TOM1L2: variants seen among roughly 807,000 people sequenced by gnomAD.
TOM1L2 encodes the protein TOM1-like protein 2.
Under a neutral mutation model 67.9 loss-of-function variants are expected in TOM1L2, and 31 were observed. The observed-to-expected ratio is 0.46, with a 90% confidence interval of 0.34 to 0.62. The LOEUF (loss-of-function observed/expected upper bound fraction) is 0.62, where lower values mean the gene tolerates loss of function less well. TOM1L2 is among the 20% of genes least tolerant of loss of function. The pLI is 0.01. For missense variants in TOM1L2, 606 were observed against 663.5 expected, an observed-to-expected ratio of 0.91 and a Z score of 0.95; for synonymous variants, 256 against 254.0, an observed-to-expected ratio of 1.01 and a Z score of -0.07.
intron 1 of TOM1L2, among the ~76,000 whole-genome samples, chr17:17,911,295 GCCTGC>G (rs59382992): frequency 0.024 from 3,677 of 152,186 alleles, 129 homozygotes; most frequent in African/African-American, 0.073. Flanking sequence ...CCGAGCTCAG[GCCTGC>G]CCTGCCCTGT....
In TOM1L2 at chr17:17,850,894, A is replaced by C; in HGVS notation, c.1337T>G (p.Leu446Arg). 6.2e-7 allele frequency: 1 copy of C among 1,614,060 alleles called. No individual in the cohort carries two copies. The highest frequency in any genetic ancestry group is 8.5e-7 in the Non-Finnish European group (1 of 1,179,988). ...DDIEVWLRTD[L>R]KGDDLEEGVT... ...TGAAATAGAAAAGTCGAGTCTCACCAGGTCGGTCCTGAGCCACACCTCAAT... is the reference window on the plus strand; with the variant it reads ...TGAAATAGAAAAGTCGAGTCTCACCCGGTCGGTCCTGAGCCACACCTCAAT... Residue 446 changes from leucine (L) to arginine (R), a missense_variant and splice_region_variant, in exon 13 of 15, where the codon CTG becomes CGG. Leu to Arg is a moderately radical substitution (Grantham distance 102). Coordinates refer to ENST00000379504, the MANE Select transcript of TOM1L2 (RefSeq NM_001082968.2).
At chr17:17,909,659 A>T (rs2039257803) in intron 1 of TOM1L2, among the ~76,000 whole-genome samples, 1 of 152,200 alleles carries the variant, frequency 6.6e-6, no homozygotes, top group Non-Finnish European at 1.5e-5. Flanking sequence ...GGGGAAAATG[A>T]AAGAGTTCTG....
At chr17:17,864,061 G>A (rs2036707864) in intron 10 of TOM1L2, among the ~76,000 whole-genome samples, 1 of 151,936 alleles carries the variant, frequency 6.6e-6, no homozygotes, top group African/African-American at 2.4e-5. Context: ...TAGAGATGAG[G>A]TTTTGCTATG....
intron 1 of TOM1L2, among the ~76,000 whole-genome samples, chr17:17,946,247 T>G (rs1199915328): frequency 6.7e-6 from 1 of 148,198 alleles, no homozygotes; most frequent in African/African-American, 2.5e-5. Flanking sequence ...CCTCTTGAAG[T>G]GTACAATTCA....
intron 4 of TOM1L2, 25 bp from the exon 5 acceptor site, chr17:17,884,793 G>A (rs778614085): frequency 3.1e-6 from 5 of 1,612,260 alleles, no homozygotes; most frequent in Non-Finnish European, 4.2e-6. Flanking sequence ...GGCCTGTTAG[G>A]AAGCATTTCT....
intron 1 of TOM1L2, among the ~76,000 whole-genome samples, chr17:17,941,189 C>T (rs1024329241): frequency 3.3e-5 from 5 of 152,144 alleles, no homozygotes; most frequent in Non-Finnish European, 7.4e-5. Flanking sequence ...GGGCTACTGG[C>T]CCCCTGAAGT....
intron 2 of TOM1L2, among the ~76,000 whole-genome samples, chr17:17,899,718 TCA>T (rs1297582676): frequency 6.6e-6 from 1 of 152,254 alleles, no homozygotes; most frequent in Non-Finnish European, 1.5e-5. Context: ...CGCTTTGCAA[TCA>T]CACATGGGTT....
intron 3 of TOM1L2, among the ~76,000 whole-genome samples, chr17:17,897,042 C>T (rs144761420): frequency 1.3e-5 from 2 of 152,330 alleles, no homozygotes; most frequent in East Asian, 3.9e-4. Flanking sequence ...AAAGGTCAAA[C>T]AGTGTCCATC....
chr17:17,911,667 A>T (rs939409919), intron 1 of TOM1L2, among the ~76,000 whole-genome samples: 3,234 of 146,140 alleles, frequency 0.022, 45 homozygotes, highest in Non-Finnish European at 0.036. Context: ...TAATTTTTTT[A>T]TTTTTTATTG....
intron 1 of TOM1L2, among the ~76,000 whole-genome samples, chr17:17,913,299 T>A (rs1032360798): frequency 6.9e-5 from 10 of 144,922 alleles, no homozygotes; most frequent in African/African-American, 2.5e-4. Flanking sequence ...TTTCAAAGCT[T>A]CATCCATGCT....
intron 1 of TOM1L2, among the ~76,000 whole-genome samples, chr17:17,925,451 G>C (rs564019089): frequency 5.9e-5 from 9 of 152,194 alleles, no homozygotes; most frequent in East Asian, 1.9e-4. Flanking sequence ...GTTACAAAAA[G>C]AAGGAAAGAG....
chr17:17,972,129 G>T, intron 1 of TOM1L2, 133 bp downstream of exon 1: 1 of 1,126,318 alleles, frequency 8.9e-7, no homozygotes, highest in Non-Finnish European at 1.2e-6. Context: ...CCCGCTCGTG[G>T]AGTGGCACCC....
rs564981096 is a variant in TOM1L2 at position 17,885,709 on chromosome 17, G to A, written c.367-941C>T. 4.6e-5 allele frequency among the ~76,000 whole-genome samples: 7 copies of A among 152,128 alleles called. No homozygotes were observed. In the South Asian group the frequency reaches 1.5e-3, roughly 32 times the overall value. On this transcript the variant is annotated intron_variant, in intron 4 of 14. Coordinates refer to ENST00000379504, the MANE Select transcript of TOM1L2 (RefSeq NM_001082968.2). ...AGAGGCCGAGGCGGACGGATCACGAGGTCAGGAGATCAAGACCATCCTGGC... is the reference window on the plus strand; with the variant it reads ...AGAGGCCGAGGCGGACGGATCACGAAGTCAGGAGATCAAGACCATCCTGGC...
chr17:17,963,105 G>A lies in TOM1L2; in HGVS notation c.52+9157C>T, dbSNP rs1304442537. 2.6e-5 allele frequency among the ~76,000 whole-genome samples: 4 copies of A among 151,724 alleles called. No homozygotes were observed. The East Asian group carries it at 7.7e-4, about 29-fold the overall frequency. ...ACATTTTGCTTTTACATACTCACTTGACCCCTGTAAGATGTGATGGTGCAA... is the reference window on the plus strand; with the variant it reads ...ACATTTTGCTTTTACATACTCACTTAACCCCTGTAAGATGTGATGGTGCAA... On this transcript the variant is annotated intron_variant, in intron 1 of 14. Coordinates refer to ENST00000379504, the MANE Select transcript of TOM1L2 (RefSeq NM_001082968.2).
chr17:17,879,574 G>A, intron 7 of TOM1L2, 53 bp downstream of exon 7: 1 of 1,415,676 alleles, frequency 7.1e-7, no homozygotes, highest in Non-Finnish European at 1.0e-6. Flanking sequence ...CTCCAACAGT[G>A]TACGGTGGAA....
chr17:17,940,446 T>C (rs1416362371), intron 1 of TOM1L2, among the ~76,000 whole-genome samples: 1 of 151,994 alleles, frequency 6.6e-6, no homozygotes, highest in Non-Finnish European at 1.5e-5. Flanking sequence ...GAGGGAGAAT[T>C]TGAATTTCAG....
intron 1 of TOM1L2, among the ~76,000 whole-genome samples, chr17:17,964,044 G>A (rs2041792697): frequency 6.6e-6 from 1 of 152,196 alleles, no homozygotes; most frequent in Non-Finnish European, 1.5e-5. Flanking sequence ...GGGTGGTCTA[G>A]GAAGGCTGCC....
intron 1 of TOM1L2, among the ~76,000 whole-genome samples, chr17:17,954,814 G>A (rs1404469233): frequency 6.6e-6 from 1 of 152,116 alleles, no homozygotes; most frequent in East Asian, 1.9e-4. Flanking sequence ...GTTAGAGGAG[G>A]AGAAAACTAA....
chr17:17,926,637 C>T (rs894143853), intron 1 of TOM1L2, among the ~76,000 whole-genome samples: 3 of 151,778 alleles, frequency 2.0e-5, no homozygotes, highest in South Asian at 2.1e-4. Context: ...CCGAGGCGGG[C>T]GGATTGCTTG....
Sources: gnomAD v4.1 joint callset for allele counts (sites outside exome capture counted in the v4.1 genomes callset) on GRCh38, gnomAD v4.1.1 for gene constraint, MANE v1.5 for transcripts, NCBI Gene and HGNC (gene_info 2026-07-23, HGNC 2026-07-21) for gene names.